The following GAS7 variants were observed in gnomAD, a reference collection of about 807,000 sequenced individuals.
GAS7 encodes growth arrest-specific protein 7.
A neutral mutation model predicts 71.1 loss-of-function variants in GAS7; 28 were observed. The ratio of observed to expected loss-of-function variants is 0.39; its 90% CI spans 0.29 to 0.54. The LOEUF is 0.54. Ranked by LOEUF, GAS7 falls within the 20% of genes least tolerant of loss-of-function variation. The probability of loss-of-function intolerance (pLI) is 0.62; values close to 1 mark genes in which losing one functional copy is unlikely to be tolerated. For synonymous variants in GAS7, 258 were observed against 245.8 expected, an observed-to-expected ratio of 1.05 and a Z score of -0.46; for missense variants, 436 against 627.8, an observed-to-expected ratio of 0.69 and a Z score of 3.27.
intron 3 of GAS7, among the ~76,000 whole-genome samples, chr17:9,980,351 C>A (rs931791492): frequency 6.6e-6 from 1 of 152,184 alleles, no homozygotes; most frequent in Admixed American, 6.5e-5. Flanking sequence ...TGCGTCCCAC[C>A]TCCCTCTTCC....
At chr17:10,018,673 C>A (rs936511226) in intron 2 of GAS7, among the ~76,000 whole-genome samples, 2 of 152,180 alleles carry the variant, frequency 1.3e-5, no homozygotes, top group Admixed American at 1.3e-4. Flanking sequence ...TACGAATAAA[C>A]CAGCTGCCTT....
rs1597459671 is a variant in GAS7 at position 9,926,831 on chromosome 17, G to A, written c.886-62C>T. 5.1e-6 allele frequency: 8 copies of A among 1,583,430 alleles called. No individual in the cohort carries two copies. The highest frequency in any genetic ancestry group is 4.5e-5 in the East Asian group (2 of 44,570). The stretch of plus-strand genomic sequence containing the variant: ...GGCATCAGCTGTAAGCCAGTGCAGG[G>A]AGGAGGGATGGGAGGGGCACCCCCA... On this transcript the variant is annotated intron_variant, in intron 9 of 13. Transcript: ENST00000432992. The surrounding 1 kb of genome is among the most constrained non-coding windows in gnomAD (Gnocchi z 5.0).
intron 1 of GAS7, among the ~76,000 whole-genome samples, chr17:10,184,879 G>T (rs1300128797): frequency 1.3e-5 from 2 of 151,828 alleles, no homozygotes; most frequent in Admixed American, 6.6e-5. Flanking sequence ...TGACCTCCAG[G>T]AAAAGGGGGG....
At chr17:9,976,336 G>A (rs976388970) in intron 3 of GAS7, among the ~76,000 whole-genome samples, 3 of 152,248 alleles carry the variant, frequency 2.0e-5, no homozygotes, top group African/African-American at 7.2e-5. Flanking sequence ...AGGTGTCAGG[G>A]CCTTCCCTGG....
At chr17:10,184,012 T>G (rs2074435329) in intron 1 of GAS7, among the ~76,000 whole-genome samples, 2 of 152,136 alleles carry the variant, frequency 1.3e-5, no homozygotes, top group African/African-American at 4.8e-5. Flanking sequence ...CTGTCCATAC[T>G]GGGAGCAGCT....
chr17:10,170,858 G>A (rs1013659452), intron 1 of GAS7, among the ~76,000 whole-genome samples: 2 of 152,200 alleles, frequency 1.3e-5, no homozygotes, highest in African/African-American at 4.8e-5. Context: ...CTGTCACCTC[G>A]GAGGTGGTCT....
At chr17:10,191,018 A>G (rs1420317727) in intron 1 of GAS7, among the ~76,000 whole-genome samples, 2 of 151,826 alleles carry the variant, frequency 1.3e-5, no homozygotes, top group Non-Finnish European at 2.9e-5. Flanking sequence ...TCTACTAAAA[A>G]TACAAAACTA....
intron 2 of GAS7, among the ~76,000 whole-genome samples, chr17:10,014,769 G>A (rs2071923561): frequency 6.6e-6 from 1 of 152,146 alleles, no homozygotes; most frequent in Admixed American, 6.6e-5. Flanking sequence ...ATCACAGACA[G>A]CATCTAGTTT....
chr17:10,134,123 C>G (rs754705188), intron 1 of GAS7, among the ~76,000 whole-genome samples: 1 of 152,040 alleles, frequency 6.6e-6, no homozygotes, highest in Non-Finnish European at 1.5e-5. Flanking sequence ...CTCTGCCTCC[C>G]GGGTTCATGC....
At chr17:10,138,201 G>A (rs1169892637) in intron 1 of GAS7, among the ~76,000 whole-genome samples, 8 of 151,588 alleles carry the variant, frequency 5.3e-5, no homozygotes, top group African/African-American at 1.7e-4. Flanking sequence ...TCCTAAACTC[G>A]TGATCCGCCC....
chr17:10,102,796 T>G (rs2073717424), intron 1 of GAS7, among the ~76,000 whole-genome samples: 1 of 151,680 alleles, frequency 6.6e-6, no homozygotes, highest in African/African-American at 2.4e-5. Flanking sequence ...GTTCCCCAGA[T>G]AATTCCAACA....
chr17:10,162,564 T>C (rs1176467009), intron 1 of GAS7, among the ~76,000 whole-genome samples: 1 of 152,214 alleles, frequency 6.6e-6, no homozygotes, highest in Non-Finnish European at 1.5e-5. Context: ...TTTTAAAAGT[T>C]TGATCTTTTC....
At chr17:10,161,437 C>T (rs1226859608) in intron 1 of GAS7, among the ~76,000 whole-genome samples, 3 of 152,168 alleles carry the variant, frequency 2.0e-5, no homozygotes, top group African/African-American at 7.2e-5. Flanking sequence ...ATGGAAGTGT[C>T]GTTACCAGAA....
intron 6 of GAS7, among the ~76,000 whole-genome samples, chr17:9,943,796 G>A (rs907154269): frequency 6.6e-6 from 1 of 152,216 alleles, no homozygotes; most frequent in Admixed American, 6.5e-5. Flanking sequence ...GAGAGAACAG[G>A]ACAGGCTGCC....
At position 9,934,276 on chromosome 17, in the gene GAS7, C is replaced by G. The variant is rs143075967; in HGVS notation, c.807-32G>C. 337 of 1,452,504 alleles carry G rather than the reference C, an allele frequency of 2.3e-4. 2 individuals carry two copies. The African/African-American group carries it at 3.9e-3, about 17-fold the overall frequency. 90.0% of individuals were successfully genotyped at this position (1,452,504 alleles called of 1,614,324 possible). A position where few individuals can be genotyped will look rare whatever the true frequency, so the allele number is the denominator to read the frequency against. Reference sequence around the variant, plus strand: ...CACAAAGACCATGAGACTCAGGTCACAAGCCAAAGCCCTTCCTGAGGCAGG... The same window carrying G: ...CACAAAGACCATGAGACTCAGGTCAGAAGCCAAAGCCCTTCCTGAGGCAGG... On this transcript the variant is annotated intron_variant, in intron 8 of 13. Transcript: ENST00000432992.
At chr17:10,143,454 A>G (rs2074099128) in intron 1 of GAS7, among the ~76,000 whole-genome samples, 1 of 152,022 alleles carries the variant, frequency 6.6e-6, no homozygotes, top group South Asian at 2.1e-4. Flanking sequence ...AGGCAGGACA[A>G]TCAGTTGAAC....
Position 9,916,092 on chromosome 17 carries a change from G to A in GAS7, c.*1136C>T, listed in dbSNP as rs2067574636. ...AGGCGACAACCTAGTGTGGCCACAAGAGAGTCTGCTATGCCTGTCCAGTGC... is the reference window on the plus strand; with the variant it reads ...AGGCGACAACCTAGTGTGGCCACAAAAGAGTCTGCTATGCCTGTCCAGTGC... On this transcript the variant is annotated 3_prime_UTR_variant, in exon 14 of 14. Transcript: ENST00000432992. 1 of 233,218 alleles carries A rather than the reference G, an allele frequency of 4.3e-6. No homozygotes were observed. Among genetic ancestry groups the A allele is most frequent in the African/African-American group, 2.2e-5 (1 of 45,340 alleles). The allele number at this position is 233,218 out of a possible 1,614,324, so 14.4% of individuals were successfully genotyped here.
intron 1 of GAS7, among the ~76,000 whole-genome samples, chr17:10,053,136 T>C (rs539415716): frequency 6.6e-6 from 1 of 152,286 alleles, no homozygotes; most frequent in African/African-American, 2.4e-5. Flanking sequence ...ATGAAAGCAC[T>C]ACCCACACAT....
At chr17:10,064,521 C>G (rs1020606103) in intron 1 of GAS7, among the ~76,000 whole-genome samples, 3 of 152,184 alleles carry the variant, frequency 2.0e-5, no homozygotes, top group Non-Finnish European at 4.4e-5. Flanking sequence ...TCCCCAACCA[C>G]GGTACTAGTT....
Sources: gnomAD v4.1 joint callset for allele counts (sites outside exome capture counted in the v4.1 genomes callset) on GRCh38, gnomAD v4.1.1 for gene constraint, Gnocchi (gnomAD v3.1) non-coding constraint, MANE v1.5 for transcripts, NCBI Gene and HGNC (gene_info 2026-07-23, HGNC 2026-07-21) for gene names.